PCDHA5: variants seen among roughly 807,000 people sequenced by gnomAD.
PCDHA5 encodes protocadherin alpha-5.
A neutral mutation model predicts 61.6 loss-of-function variants in PCDHA5; 43 were observed. The observed-to-expected ratio is 0.70, with a 90% CI of 0.55 to 0.90. The LOEUF is 0.90. PCDHA5 is among the 40% of genes least tolerant of loss of function. The probability of loss-of-function intolerance (pLI) is 0.00; values close to 1 mark genes in which losing one functional copy is unlikely to be tolerated. For missense variants in PCDHA5, 1,298 were observed against 1,222.7 expected (o/e 1.06, Z -0.92); for synonymous variants, 627 against 543.9 (o/e 1.15, Z -2.13).
At chr5:140,847,164 T>C (rs1780885642) in intron 1 of PCDHA5, among the ~76,000 whole-genome samples, 1 of 149,534 alleles carries the variant, frequency 6.7e-6, no homozygotes, top group Non-Finnish European at 1.5e-5. Flanking sequence ...TTCTGAGTAA[T>C]AAACTAAAGG....
At position 140,822,754 on chromosome 5, in the gene PCDHA5, T is replaced by C. The variant is rs1767425023; in HGVS notation, c.979T>C (p.Phe327Leu). The C allele has an allele frequency of 1.2e-6, 2 of 1,613,734 alleles. No individual in the cohort carries two copies. Among genetic ancestry groups the C allele is most frequent in the African/African-American group, 2.7e-5 (2 of 74,932 alleles). ...TATTGATGCCATGGATAAAAGTACA[T>C]TCCCATTATCAGGACACTGTAAAGT... ...INIDAMDKST[F>L]PLSGHCKVVV... Residue 327 changes from phenylalanine to leucine, a missense_variant, in exon 1 of 4, where the codon TTC becomes CTC. By Grantham distance (22) the Phe-to-Leu change is conservative. Coordinates refer to ENST00000529859, the MANE Select transcript of PCDHA5 (RefSeq NM_018908.3).
chr5:140,825,576 C>G lies in PCDHA5; in HGVS notation c.2352+1449C>G, dbSNP rs1028735086. 7.2e-5 allele frequency: 11 copies of G among 151,850 alleles called. No individual in the cohort carries two copies. In the East Asian group the frequency reaches 2.1e-3, roughly 29 times the overall value. 9.4% of individuals were successfully genotyped at this position (151,850 alleles called of 1,614,324 possible). A position where few individuals can be genotyped will look rare whatever the true frequency, so the allele number is the denominator to read the frequency against. On this transcript the variant is annotated intron_variant, in intron 1 of 3. Transcript: ENST00000529859. Reference sequence around the variant, plus strand: ...AGTAGCTGGGATTACAGGCATGTGCCCACACCTGGCTAATTTTTTGTATTT... The same window carrying G: ...AGTAGCTGGGATTACAGGCATGTGCGCACACCTGGCTAATTTTTTGTATTT...
intron 1 of PCDHA5, chr5:140,871,124 C>T (rs782035990): frequency 1.9e-6 from 3 of 1,613,326 alleles, no homozygotes; most frequent in Non-Finnish European, 8.5e-7. Context: ...AGCGGACAGG[C>T]GCCAAAGGCC....
chr5:140,933,441 C>T (rs1197059199), intron 1 of PCDHA5, among the ~76,000 whole-genome samples: 1 of 151,990 alleles, frequency 6.6e-6, no homozygotes, highest in African/African-American at 2.4e-5. Flanking sequence ...ACTCTAATGA[C>T]ATACCTTCAA....
intron 3 of PCDHA5, among the ~76,000 whole-genome samples, chr5:140,983,358 T>C (rs1374842008): frequency 6.6e-6 from 1 of 152,224 alleles, no homozygotes; most frequent in Non-Finnish European, 1.5e-5. Context: ...GTAATAGAAA[T>C]ATGGCTTTGG....
chr5:140,876,637 C>T, intron 1 of PCDHA5: 1 of 1,614,206 alleles, frequency 6.2e-7, no homozygotes, highest in Non-Finnish European at 8.5e-7. Context: ...CATCTGCTCA[C>T]TGACACCTCA....
chr5:140,870,352 G>C, intron 1 of PCDHA5: 8 of 1,614,226 alleles, frequency 5.0e-6, no homozygotes, highest in Non-Finnish European at 5.9e-6. Context: ...CCGCGAGAAC[G>C]TGTGGGCCTA....
Position 140,850,129 on chromosome 5 carries a change from TG to T in PCDHA5, c.2352+26005del, listed in dbSNP as rs2150469009. On this transcript the variant is annotated intron_variant, in intron 1 of 3. Coordinates refer to ENST00000529859, the MANE Select transcript of PCDHA5 (RefSeq NM_018908.3). Reference sequence around the variant, plus strand: ...GCGCGCGACGCGGGCGTGCCGCCTCTGGGCAGCAACGTGACGCTGCAGGTGT... The same window carrying T: ...GCGCGCGACGCGGGCGTGCCGCCTCTGGCAGCAACGTGACGCTGCAGGTGT... 23 of 1,595,784 alleles carry T rather than the reference TG, an allele frequency of 1.4e-5. 1 individual carries two copies. The South Asian group carries it at 2.4e-4, about 17-fold the overall frequency.
At position 140,947,028 on chromosome 5, in the gene PCDHA5, T is replaced by C. The variant is rs111523441; in HGVS notation, c.2353-31921T>C. Among the ~76,000 whole-genome samples the C allele has an allele frequency of 4.6e-3, 693 of 151,852 alleles. 1 individual carries two copies. Among genetic ancestry groups the C allele is most frequent in the Middle Eastern group, 6.8e-3 (2 of 294 alleles). ...AATGATAAATGTTTGAGGTAATGGA[T>C]ATACTAATTACCCTGATTTGATCAT... On this transcript the variant is annotated intron_variant, in intron 1 of 3. Transcript: ENST00000529859.
chr5:140,881,097 A>G (rs1179635604), intron 1 of PCDHA5, among the ~76,000 whole-genome samples: 1 of 152,262 alleles, frequency 6.6e-6, no homozygotes, highest in Non-Finnish European at 1.5e-5. Flanking sequence ...TTTTCATTAC[A>G]CCATTTGGCC....
chr5:140,868,901 C>T lies in PCDHA5; in HGVS notation c.2352+44774C>T, dbSNP rs1408967625. 6 of 828,816 alleles carry T rather than the reference C, an allele frequency of 7.2e-6. No homozygotes were observed. In the African/African-American group the frequency reaches 1.0e-4, roughly 14 times the overall value. The allele number at this position is 828,816 out of a possible 1,614,324, so 51.3% of individuals were successfully genotyped here. ...TCACAGTTTTAGGCGCAAGGTGTCG[C>T]TCTTTACTTGGTGGAAAGTTCATTT... On this transcript the variant is annotated intron_variant, in intron 1 of 3. Transcript: ENST00000529859.
Position 140,835,536 on chromosome 5 carries a change from G to C in PCDHA5, c.2352+11409G>C, listed in dbSNP as rs1220164308. 1.9e-6 allele frequency: 3 copies of C among 1,613,822 alleles called. 1 individual carries two copies. Among genetic ancestry groups the C allele is most frequent in the East Asian group, 4.5e-5 (2 of 44,840 alleles). ...CCGAGATTTTGGAGTCAACGGACAG[G>C]TTACCTGCTCCCTGACGCCCCGCGT... On this transcript the variant is annotated intron_variant, in intron 1 of 3. Coordinates refer to ENST00000529859, the MANE Select transcript of PCDHA5 (RefSeq NM_018908.3).
At chr5:140,878,110 A>T in intron 1 of PCDHA5, 1 of 249,264 alleles carries the variant, frequency 4.0e-6, no homozygotes, top group South Asian at 1.2e-4. Context: ...CTTGAAAAAA[A>T]CAGTATATTA....
chr5:140,888,586 C>T (rs1408191600), intron 1 of PCDHA5, among the ~76,000 whole-genome samples: 1 of 152,154 alleles, frequency 6.6e-6, no homozygotes, highest in East Asian at 1.9e-4. Flanking sequence ...TTTGTTAGTA[C>T]ACATTCAGAG....
At chr5:140,831,520 CTT>C (rs2150195630) in intron 1 of PCDHA5, among the ~76,000 whole-genome samples, 29 of 122,402 alleles carry the variant, frequency 2.4e-4, no homozygotes, top group South Asian at 8.4e-4. Flanking sequence ...TGCCCCCCAC[CTT>C]TTTTTTTTTT....
intron 1 of PCDHA5, chr5:140,866,368 T>C (rs1172516799): frequency 6.6e-6 from 1 of 152,138 alleles, no homozygotes; most frequent in Non-Finnish European, 1.5e-5. Flanking sequence ...TATTGCATAC[T>C]TCAATAACAA....
rs2150126889 is a variant in PCDHA5, at chr5:140,823,558, G to T, written c.1783G>T (p.Ala595Ser). 6.2e-5 allele frequency: 100 copies of T among 1,613,898 alleles called. No individual in the cohort carries two copies. In the East Asian group the frequency reaches 1.9e-3, roughly 30 times the overall value. Residue 595 changes from alanine (A) to serine (S), a missense_variant, in exon 1 of 4, where the codon GCA (alanine) becomes TCA (serine). Transcript: ENST00000529859. ...GGGCCACGTGGTGGCGAAGGTGCGCGCAGTGGACCCTGATTCGGGCTACAA... is the reference window on the plus strand; with the variant it reads ...GGGCCACGTGGTGGCGAAGGTGCGCTCAGTGGACCCTGATTCGGGCTACAA... The part of the protein sequence containing the change: ...GAGHVVAKVR[A>S]VDPDSGYNAW...
intron 1 of PCDHA5, among the ~76,000 whole-genome samples, chr5:140,932,800 C>A (rs1041924506): frequency 6.6e-6 from 1 of 151,684 alleles, no homozygotes; most frequent in Non-Finnish European, 1.5e-5. Context: ...AAAAGCAATA[C>A]CTTGGAAACA....
rs2150154189 is a variant in PCDHA5, at chr5:140,828,336, G to A, written c.2352+4209G>A. 2 of 1,614,120 alleles carry A rather than the reference G, an allele frequency of 1.2e-6. No individual in the cohort carries two copies. Among genetic ancestry groups the A allele is most frequent in the Non-Finnish European group, 1.7e-6 (2 of 1,180,060 alleles). ...CTTCTGGAGGTAAATCTGCAGAATGGCATTTTGTTTGTGAATTCTCGGATC... is the reference window on the plus strand; with the variant it reads ...CTTCTGGAGGTAAATCTGCAGAATGACATTTTGTTTGTGAATTCTCGGATC... On this transcript the variant is annotated intron_variant, in intron 1 of 3. Transcript: ENST00000529859.
Sources: gnomAD v4.1 joint callset for allele counts (sites outside exome capture counted in the v4.1 genomes callset) on GRCh38, gnomAD v4.1.1 for gene constraint, MANE v1.5 for transcripts, NCBI Gene and HGNC (gene_info 2026-07-23, HGNC 2026-07-21) for gene names.